Variants in ARHGAP20 observed in about 807,000 individuals in gnomAD.
The protein encoded by ARHGAP20 is Rho GTPase activating protein 20, also known as rho GTPase-activating protein 20.
A neutral mutation model predicts 73.7 loss-of-function variants in ARHGAP20; 34 were observed. The observed-to-expected ratio is 0.46, with a 90% CI of 0.35 to 0.61. The LOEUF (loss-of-function observed/expected upper bound fraction) is 0.61, where lower values mean the gene tolerates loss of function less well. Ranked by LOEUF, ARHGAP20 falls within the 20% of genes least tolerant of loss-of-function variation. ARHGAP20 has a pLI of 0.00. For missense variants in ARHGAP20, 1,314 were observed against 1,420.9 expected, an observed-to-expected ratio of 0.92 and a Z score of 1.21; for synonymous variants, 523 against 518.2, an observed-to-expected ratio of 1.01 and a Z score of -0.13.
At chr11:110,690,999 C>T (rs766108131) in intron 1 of ARHGAP20, 72 of 1,526,494 alleles carry the variant, frequency 4.7e-5, no homozygotes, top group Non-Finnish European at 5.3e-5. Context: ...AAAATGTCAT[C>T]CGGGTAGATA....
chr11:110,655,045 A>C (rs1949435090), intron 2 of ARHGAP20, among the ~76,000 whole-genome samples: 2 of 152,160 alleles, frequency 1.3e-5, no homozygotes, highest in Admixed American at 6.5e-5. Context: ...GATTCAAATT[A>C]ACTACATTTG....
chr11:110,592,089 C>T lies in ARHGAP20; in HGVS notation c.1031G>A (p.Ser344Asn). The T allele has an allele frequency of 1.9e-6, 3 of 1,614,116 alleles. No homozygotes were observed. The highest frequency in any genetic ancestry group is 2.5e-6 in the Non-Finnish European group (3 of 1,179,976). Residue 344 changes from serine to asparagine, a missense_variant, in exon 10 of 15, where the codon AGC (serine) becomes AAC (asparagine). Physicochemically the swap from Ser to Asn is conservative, Grantham distance 46 (BLOSUM62 1). Around this residue, in one of 3 missense-constraint regions of ARHGAP20, gnomAD observed 443 missense variants for 466.4 expected, o/e 0.95. Transcript: ENST00000683387. ...TGAGGGCAAGTTGTCCAGGTGAGTGCTAGAACCTCGCCAGAAGGCCCAGTT... is the reference window on the plus strand; with the variant it reads ...TGAGGGCAAGTTGTCCAGGTGAGTGTTAGAACCTCGCCAGAAGGCCCAGTT... ...IINWAFWRGSSTHLDNLPSSP... is the reference protein window; with the variant it reads ...IINWAFWRGSNTHLDNLPSSP...
intron 1 of ARHGAP20, among the ~76,000 whole-genome samples, chr11:110,705,009 C>A (rs76804303): frequency 0.025 from 3,737 of 151,984 alleles, 144 homozygotes; most frequent in African/African-American, 0.079. Flanking sequence ...ATATTATATA[C>A]CTATTTTTGT....
At chr11:110,611,270 G>A (rs1300848134) in intron 7 of ARHGAP20, 39 bp downstream of exon 7, 2 of 1,318,656 alleles carry the variant, frequency 1.5e-6, no homozygotes, top group Admixed American at 2.2e-5. Context: ...AATAATCAAA[G>A]TTTATTTTTA....
chr11:110,651,841 C>T (rs1219158348), intron 2 of ARHGAP20, among the ~76,000 whole-genome samples: 3 of 152,060 alleles, frequency 2.0e-5, no homozygotes, highest in Non-Finnish European at 4.4e-5. Flanking sequence ...TCTTCTCGAC[C>T]TATTCCAAAC....
In ARHGAP20 at chr11:110,577,382, A is replaced by G. The variant is rs1391647620; in HGVS notation, c.*1988T>C. On this transcript the variant is annotated 3_prime_UTR_variant, in exon 15 of 15. Transcript: ENST00000683387. Reference sequence around the variant, plus strand: ...GAATTACAGGAGTATCTAAGGGAACACAGATAGTAGGAATGGTTATTAAAA... The same window carrying G: ...GAATTACAGGAGTATCTAAGGGAACGCAGATAGTAGGAATGGTTATTAAAA... 1 of 1,192,022 alleles carries G rather than the reference A, an allele frequency of 8.4e-7. No individual in the cohort carries two copies. Among genetic ancestry groups the G allele is most frequent in the Non-Finnish European group, 1.0e-6 (1 of 962,874 alleles). 73.8% of individuals were successfully genotyped at this position (1,192,022 alleles called of 1,614,324 possible).
At chr11:110,636,867 C>A (rs994791603) in intron 2 of ARHGAP20, among the ~76,000 whole-genome samples, 1 of 151,370 alleles carries the variant, frequency 6.6e-6, no homozygotes, top group African/African-American at 2.4e-5. Flanking sequence ...TTATTTTACT[C>A]TTTTAGAGTA....
At chr11:110,682,555 T>C (rs1018538480) in intron 2 of ARHGAP20, among the ~76,000 whole-genome samples, 42 of 152,262 alleles carry the variant, frequency 2.8e-4, no homozygotes, top group African/African-American at 1.0e-3. Flanking sequence ...ATCAACTATG[T>C]GACCTAGAGG....
Position 110,577,486 on chromosome 11 carries a change from G to C in ARHGAP20, c.*1884C>G, listed in dbSNP as rs56164031. 8.4e-4 allele frequency: 851 copies of C among 1,011,200 alleles called. 1 individual carries two copies. The highest frequency in any genetic ancestry group is 9.6e-4 in the Non-Finnish European group (819 of 849,042). 62.6% of individuals were successfully genotyped at this position (1,011,200 alleles called of 1,614,324 possible). A position where few individuals can be genotyped will look rare whatever the true frequency, so the allele number is the denominator to read the frequency against. ...CTGCTAACATGAAAAAAAAAAAAAAGGCAATTTCTTCCAGAAAGACACTCC... is the reference window on the plus strand; with the variant it reads ...CTGCTAACATGAAAAAAAAAAAAAACGCAATTTCTTCCAGAAAGACACTCC... On this transcript the variant is annotated 3_prime_UTR_variant, in exon 15 of 15. Coordinates refer to ENST00000683387, the MANE Select transcript of ARHGAP20 (RefSeq NM_001384657.1).
At position 110,630,653 on chromosome 11, in the gene ARHGAP20, C is replaced by T. The variant is rs1186037319; in HGVS notation, c.328G>A (p.Asp110Asn). Residue 110 changes from aspartate (D) to asparagine (N), a missense_variant, in exon 3 of 15, where the codon GAT (aspartate) becomes AAT (asparagine). By Grantham distance (23) the Asp-to-Asn change is conservative. Transcript: ENST00000683387. ...RQERHLFLFNDLFVVAKIKYN... is the reference protein window; with the variant it reads ...RQERHLFLFNNLFVVAKIKYN... Reference sequence around the variant, plus strand: ...TTGATTTTGGCCACAACAAACAGATCATTGAATAGGAAAAGATGCCGCTCC... The same window carrying T: ...TTGATTTTGGCCACAACAAACAGATTATTGAATAGGAAAAGATGCCGCTCC... The T allele has an allele frequency of 6.2e-7, 1 of 1,614,014 alleles. No homozygotes were observed. The highest frequency in any genetic ancestry group is 1.7e-5 in the Admixed American group (1 of 60,010).
At chr11:110,685,444 T>C (rs537264980) in intron 2 of ARHGAP20, among the ~76,000 whole-genome samples, 45 of 152,080 alleles carry the variant, frequency 3.0e-4, no homozygotes, top group Non-Finnish European at 6.0e-4. Flanking sequence ...TTTCCTAATA[T>C]AATAATTACT....
intron 1 of ARHGAP20, among the ~76,000 whole-genome samples, chr11:110,708,747 A>T (rs568367415): frequency 3.0e-4 from 45 of 152,188 alleles, no homozygotes; most frequent in Non-Finnish European, 4.7e-4. Context: ...AAGGAATTAG[A>T]AAGGGACATG....
chr11:110,674,841 G>T (rs1158850265), intron 2 of ARHGAP20, among the ~76,000 whole-genome samples: 1 of 152,030 alleles, frequency 6.6e-6, no homozygotes, highest in South Asian at 2.1e-4. Context: ...CATCTACCCA[G>T]TCTTCAAAAA....
intron 1 of ARHGAP20, among the ~76,000 whole-genome samples, chr11:110,706,921 T>C (rs1950560804): frequency 6.6e-6 from 1 of 152,144 alleles, no homozygotes; most frequent in South Asian, 2.1e-4. Context: ...ACTATGGGCA[T>C]AATATTTTTC....
At chr11:110,617,623 T>C (rs765320121) in intron 4 of ARHGAP20, among the ~76,000 whole-genome samples, 1 of 152,186 alleles carries the variant, frequency 6.6e-6, no homozygotes, top group Non-Finnish European at 1.5e-5. Flanking sequence ...CTTCAAAATA[T>C]AAATTATGAA....
At chr11:110,704,180 C>T (rs1366949550) in intron 1 of ARHGAP20, among the ~76,000 whole-genome samples, 2 of 152,122 alleles carry the variant, frequency 1.3e-5, no homozygotes, top group African/African-American at 4.8e-5. Flanking sequence ...CTGGTGATGG[C>T]TATTGTTAAA....
chr11:110,607,495 G>A (rs1460617328), intron 8 of ARHGAP20, among the ~76,000 whole-genome samples: 1 of 152,200 alleles, frequency 6.6e-6, no homozygotes, highest in Non-Finnish European at 1.5e-5. Flanking sequence ...TCCTTTTAGT[G>A]TAATCCTCAA....
intron 3 of ARHGAP20, among the ~76,000 whole-genome samples, chr11:110,629,345 T>C (rs974492785): frequency 3.3e-5 from 5 of 152,222 alleles, no homozygotes; most frequent in Non-Finnish European, 5.9e-5. Context: ...GGGGGATTGT[T>C]AGGATAATTA....
At chr11:110,582,158 G>C (rs1214738596) in intron 14 of ARHGAP20, among the ~76,000 whole-genome samples, 163 bp downstream of exon 14, 1 of 152,134 alleles carries the variant, frequency 6.6e-6, no homozygotes, top group African/African-American at 2.4e-5. Context: ...CCTATTGGCA[G>C]GCCATCTAAG....
Sources: allele counts gnomAD v4.1 joint callset (sites outside exome capture counted in the v4.1 genomes callset), GRCh38; gene constraint gnomAD v4.1.1; regional missense constraint gnomAD v4.1.1; transcripts MANE v1.5; gene names NCBI Gene and HGNC (gene_info 2026-07-23, HGNC 2026-07-21).